Variants in ZNF596 observed in about 807,000 individuals in gnomAD.
ZNF596 encodes the protein zinc finger protein 596.
Under a neutral mutation model 48.3 loss-of-function variants are expected in ZNF596, and 45 were observed. The ratio of observed to expected loss-of-function variants is 0.93; its 90% confidence interval spans 0.73 to 1.19. ZNF596 has a LOEUF of 1.19. Among genes scored for constraint, ZNF596 ranks in the 50% most tolerant of loss-of-function variants. ZNF596 has a pLI of 0.00. For synonymous variants in ZNF596, 270 were observed against 202.0 expected (o/e 1.34, Z -2.85); for missense variants, 848 against 599.7 (o/e 1.41, Z -4.32).
chr8:234,028 G>A (rs1011951176), intron 1 of ZNF596, among the ~76,000 whole-genome samples: 11 of 152,204 alleles, frequency 7.2e-5, no homozygotes, highest in Non-Finnish European at 1.5e-4. Context: ...CAGGGAAAGA[G>A]CAAGACTTTA....
At chr8:237,561 T>C (rs1796669725) in intron 1 of ZNF596, 1 of 152,166 alleles carries the variant, frequency 6.6e-6, no homozygotes, top group South Asian at 2.1e-4. Context: ...CCCACTAGTG[T>C]ACTGAGACGG....
chr8:242,723 G>A, intron 2 of ZNF596, among the ~76,000 whole-genome samples, 164 bp from the exon 3 acceptor site: 1 of 152,180 alleles, frequency 6.6e-6, no homozygotes, highest in African/African-American at 2.4e-5. Context: ...CTGAAAGCCA[G>A]ATTCCCAGTT....
chr8:240,888 C>G lies in ZNF596; in HGVS notation c.-8C>G, dbSNP rs1796826474. On this transcript the variant is annotated 5_prime_UTR_variant, in exon 2 of 6. Transcript: ENST00000398612. The stretch of plus-strand genomic sequence containing the variant: ...CAGAGGAATACATTTGGTGGCTGAG[C>G]TAGTACAATGCCATCACCGGTGAGT... 2.5e-6 allele frequency: 4 copies of G among 1,614,040 alleles called. No individual in the cohort carries two copies. The highest frequency in any genetic ancestry group is 1.3e-5 in the African/African-American group (1 of 75,000).
chr8:237,284 T>G (rs1796655971), intron 1 of ZNF596: 1 of 152,166 alleles, frequency 6.6e-6, no homozygotes, highest in Non-Finnish European at 1.5e-5. Flanking sequence ...CTGTCAAATC[T>G]GTTCATTCAT....
At chr8:245,073 T>G in intron 5 of ZNF596, 81 bp from the exon 6 acceptor site, 1 of 1,453,474 alleles carries the variant, frequency 6.9e-7, no homozygotes, top group Non-Finnish European at 9.2e-7. Context: ...TATTCTAGAA[T>G]TAATATGTAG....
At chr8:233,072 A>G (rs1162433414) in intron 1 of ZNF596, 3 of 468,212 alleles carry the variant, frequency 6.4e-6, no homozygotes, top group African/African-American at 4.2e-5. Context: ...AGTGAGGAGA[A>G]AACAGAGGAG....
At chr8:240,658 A>G (rs1180432413) in intron 1 of ZNF596, 166 bp from the exon 2 acceptor site, 5 of 546,262 alleles carry the variant, frequency 9.2e-6, no homozygotes, top group East Asian at 5.7e-5. Flanking sequence ...ATTAGCAGCA[A>G]TAGTCATTTC....
At chr8:237,763 G>T (rs193100976) in intron 1 of ZNF596, 7 of 152,224 alleles carry the variant, frequency 4.6e-5, no homozygotes, top group Admixed American at 4.6e-4. Context: ...ATCATATTTG[G>T]TGTTTAATTT....
In ZNF596 at chr8:246,341, T is replaced by G. The variant is rs1434964046; in HGVS notation, c.1494T>G (p.Thr498=). The change falls in exon 6 of 6, where the codon ACT becomes ACG. Residue 498 remains threonine (T), a synonymous_variant. Transcript: ENST00000398612. ...TTAGACAACATGAGAGAACTCACAC[T>G]AAAAAAGCAATGAATATGTAAGAAT... is the stretch of plus-strand genomic sequence containing the variant. ...FNLRQHERTH[T]KKAMNM 6.3e-7 allele frequency: 1 copy of G among 1,588,214 alleles called. No individual in the cohort carries two copies. The highest frequency in any genetic ancestry group is 8.5e-7 in the Non-Finnish European group (1 of 1,171,180).
chr8:245,566 A>T lies in ZNF596; in HGVS notation c.719A>T (p.Lys240Ile). The T allele has an allele frequency of 6.2e-7, 1 of 1,613,796 alleles. No homozygotes were observed. Among genetic ancestry groups the T allele is most frequent in the Non-Finnish European group, 8.5e-7 (1 of 1,179,932 alleles). ...TTTACTCATTGCTCTGATCTTCGAA[A>T]ACATGAGAGAACTCACACTGGAGAG... is the stretch of plus-strand genomic sequence containing the variant. The part of the protein sequence containing the change: ...KAFTHCSDLR[K>I]HERTHTGEKP... The change falls in exon 6 of 6, where the codon AAA becomes ATA. Residue 240 changes from lysine (K) to isoleucine (I), a missense_variant. Lys to Ile is a moderately radical substitution (Grantham distance 102, BLOSUM62 -3). Coordinates refer to ENST00000398612, the MANE Select transcript of ZNF596 (RefSeq NM_001042416.3).
At chr8:238,575 C>T (rs1796713662) in intron 1 of ZNF596, among the ~76,000 whole-genome samples, 1 of 131,916 alleles carries the variant, frequency 7.6e-6, no homozygotes, top group Non-Finnish European at 1.5e-5. Context: ...CCGAGGTAGG[C>T]AGATCATTTG....
intron 2 of ZNF596, among the ~76,000 whole-genome samples, chr8:241,111 G>A (rs1796837091): frequency 6.6e-6 from 1 of 152,166 alleles, no homozygotes; most frequent in African/African-American, 2.4e-5. Context: ...AGGCATTCCA[G>A]CCTCTACTAA....
In ZNF596 at chr8:244,619, G is replaced by A. The variant is rs755747712; in HGVS notation, c.224G>A (p.Gly75Asp). ...LSTQRISLLQ[G>D]REVGIKHQEI... is the part of the protein sequence containing the mutation. ...ATCTTTTTTTTTTCATTTATTTCAG[G>A]TAGAGAAGTTGGCATTAAACATCAA... Residue 75 changes from glycine to aspartate, a missense_variant and splice_region_variant, in exon 5 of 6, where the codon GGT becomes GAT. Transcript: ENST00000398612. 1.2e-6 allele frequency: 2 copies of A among 1,605,026 alleles called. No homozygotes were observed. The highest frequency in any genetic ancestry group is 1.1e-5 in the South Asian group (1 of 89,770).
chr8:243,066 C>G, intron 3 of ZNF596, 53 bp downstream of exon 3: 1 of 1,511,036 alleles, frequency 6.6e-7, no homozygotes. Context: ...TTCACTCACT[C>G]ATTTTTCACT....
chr8:241,646 G>T (rs955345264), intron 2 of ZNF596, among the ~76,000 whole-genome samples: 7 of 152,174 alleles, frequency 4.6e-5, no homozygotes, highest in Non-Finnish European at 1.0e-4. Context: ...AATTTTTGAA[G>T]TGGAGAGACC....
rs1563073014 is a variant in ZNF596 at position 246,336 on chromosome 8, C to G, written c.1489C>G (p.His497Asp). The G allele has an allele frequency of 6.3e-7, 1 of 1,591,524 alleles. No homozygotes were observed. The highest frequency in any genetic ancestry group is 8.5e-7 in the Non-Finnish European group (1 of 1,172,516). Residue 497 changes from histidine (H) to aspartate (D), a missense_variant, in exon 6 of 6, where the codon CAC (histidine) becomes GAC (aspartate). Transcript: ENST00000398612. ...FFNLRQHERT[H>D]TKKAMNM is the part of the protein sequence containing the mutation. ...TAACCTTAGACAACATGAGAGAACT[C>G]ACACTAAAAAAGCAATGAATATGTA...
At chr8:244,054 A>C in intron 4 of ZNF596, 1 of 258,396 alleles carries the variant, frequency 3.9e-6, no homozygotes, top group Admixed American at 5.2e-5. Flanking sequence ...TGCCCAGCTA[A>C]TTTTTTTCTA....
upstream of ZNF596, chr8:232,345 C>G (rs926756159): frequency 5.7e-6 from 1 of 173,954 alleles, no homozygotes; most frequent in East Asian, 1.9e-4. Context: ...CCTGCACGTA[C>G]GGGCCCCGCC....
intron 1 of ZNF596, 131 bp downstream of exon 1, chr8:232,825 C>A: frequency 2.3e-6 from 1 of 440,296 alleles, no homozygotes; most frequent in South Asian, 1.7e-5. Context: ...CTCCGCCAGG[C>A]CCTACGTCTC....
Sources: gnomAD v4.1 joint callset for allele counts (sites outside exome capture counted in the v4.1 genomes callset) on GRCh38, gnomAD v4.1.1 for gene constraint, MANE v1.5 for transcripts, NCBI Gene and HGNC (gene_info 2026-07-23, HGNC 2026-07-21) for gene names.